ADAT3: variants seen among roughly 807,000 people sequenced by gnomAD.
ADAT3 encodes the protein tRNA-specific adenosine-34 deaminase regulatory subunit ADAT3.
Under a neutral mutation model 3.5 loss-of-function variants are expected in ADAT3, and 2 were observed. The ratio of observed to expected loss-of-function variants is 0.57; its 90% CI spans 0.23 to 1.79. ADAT3 has a LOEUF of 1.79. ADAT3 is among the 40% of genes most tolerant of loss of function. The pLI is 0.18. For missense variants in ADAT3, 735 were observed against 571.4 expected (o/e 1.29, Z -2.92); for synonymous variants, 358 against 270.3 (o/e 1.32, Z -3.18).
In ADAT3 at chr19:1,912,148, G is replaced by T. The variant is rs1220543903; in HGVS notation, c.101G>T (p.Ser34Ile). The change falls in exon 2 of 2, where the codon AGC becomes ATC. Residue 34 changes from serine to isoleucine, a missense_variant. By Grantham distance (142) the Ser-to-Ile change is moderately radical. Coordinates refer to ENST00000329478, the MANE Select transcript of ADAT3 (RefSeq NM_138422.4). ...CAGCCCAAGTGCTTGGAGGCCGGGA[G>T]CCCGGAGCCTGAGCCGGCGCCGTGG... ...VEQPKCLEAG[S>I]PEPEPAPWQA... The T allele has an allele frequency of 2.6e-6, 4 of 1,565,246 alleles. No homozygotes were observed. Among genetic ancestry groups the T allele is most frequent in the African/African-American group, 2.7e-5 (2 of 73,836 alleles).
At chr19:1,909,863 G>A (rs1389756507) in intron 1 of ADAT3, among the ~76,000 whole-genome samples, 3 of 152,216 alleles carry the variant, frequency 2.0e-5, no homozygotes, top group Non-Finnish European at 2.9e-5. Context: ...ATGGGAAGTC[G>A]GGCCCACCAG....
Position 1,908,524 on chromosome 19 carries a change from C to T in ADAT3, c.-159+3085C>T. ...TCCATACCAGCGGGGATGTGTAGTCCAGGCTGGCAGTTCAGGATCACCCGG... is the reference window on the plus strand; with the variant it reads ...TCCATACCAGCGGGGATGTGTAGTCTAGGCTGGCAGTTCAGGATCACCCGG... On this transcript the variant is annotated intron_variant, in intron 1 of 1. Coordinates refer to ENST00000329478, the MANE Select transcript of ADAT3 (RefSeq NM_138422.4). This position sits in a 1 kb window ranked among gnomAD's most constrained non-coding sequence, Gnocchi z 4.2. The T allele has an allele frequency of 2.1e-6, 1 of 471,152 alleles. No individual in the cohort carries two copies. Among genetic ancestry groups the T allele is most frequent in the Non-Finnish European group, 4.4e-6 (1 of 227,040 alleles). The allele number at this position is 471,152 out of a possible 1,614,324, so 29.2% of individuals were successfully genotyped here.
rs895349823 is a variant in ADAT3, at chr19:1,908,687, C to G, written c.-158-3203C>G. On this transcript the variant is annotated intron_variant, in intron 1 of 1. Coordinates refer to ENST00000329478, the MANE Select transcript of ADAT3 (RefSeq NM_138422.4). The surrounding 1 kb of genome is among the most constrained non-coding windows in gnomAD (Gnocchi z 4.2). ...TTATTTATTTATTTGAAAAAAGGAA[C>G]AGGGTCTCTCTATCTTGCCCACGTT... 41 of 423,676 alleles carry G rather than the reference C, an allele frequency of 9.7e-5. No individual in the cohort carries two copies. Among genetic ancestry groups the G allele is most frequent in the Middle Eastern group, 1.3e-3 (2 of 1,556 alleles). 26.2% of individuals were successfully genotyped at this position (423,676 alleles called of 1,614,324 possible). A position where few individuals can be genotyped will look rare whatever the true frequency, so the allele number is the denominator to read the frequency against.
In ADAT3 at chr19:1,912,242, C is replaced by G. The variant is rs1402664883; in HGVS notation, c.195C>G (p.Pro65=). ...DVELVLAYAA[P]VLDKRQTSRL... is the part of the protein sequence containing the mutation. ...AGCTGGTGCTGGCCTACGCCGCGCC[C>G]GTCCTGGACAAGCGCCAGACCTCAC... is the stretch of plus-strand genomic sequence containing the variant. The change falls in exon 2 of 2, where the codon CCC becomes CCG. Residue 65 remains proline, a synonymous_variant. Coordinates refer to ENST00000329478, the MANE Select transcript of ADAT3 (RefSeq NM_138422.4). The G allele has an allele frequency of 6.3e-7, 1 of 1,596,898 alleles. No individual in the cohort carries two copies. Among genetic ancestry groups the G allele is most frequent in the Non-Finnish European group, 8.5e-7 (1 of 1,174,458 alleles).
rs1312014800 is a variant in ADAT3, at chr19:1,912,372, C to T, written c.325C>T (p.Leu109=). 1 of 1,523,986 alleles carries T rather than the reference C, an allele frequency of 6.6e-7. No homozygotes were observed. The highest frequency in any genetic ancestry group is 2.6e-5 in the East Asian group (1 of 38,728). The allele number at this position is 1,523,986 out of a possible 1,614,324, so 94.4% of individuals were successfully genotyped here. Residue 109 remains leucine (L), a synonymous_variant, in exon 2 of 2, where the codon CTG becomes TTG. Coordinates refer to ENST00000329478, the MANE Select transcript of ADAT3 (RefSeq NM_138422.4). ...DAGSPHALEM[L]LCLAGPASGP... is the part of the protein sequence containing the mutation. Reference sequence around the variant, plus strand: ...CGGCAGCCCCCACGCCCTGGAGATGCTGCTTTGCCTGGCTGGGCCGGCCTC... The same window carrying T: ...CGGCAGCCCCCACGCCCTGGAGATGTTGCTTTGCCTGGCTGGGCCGGCCTC...
At chr19:1,911,823 C>T in intron 1 of ADAT3, 67 bp from the exon 2 acceptor site, 1 of 445,836 alleles carries the variant, frequency 2.2e-6, no homozygotes, top group East Asian at 3.5e-5. Context: ...AATGATCTGT[C>T]TTCTGGTAGG....
intron 1 of ADAT3, among the ~76,000 whole-genome samples, chr19:1,909,280 C>T (rs1410492582): frequency 1.3e-5 from 2 of 152,142 alleles, no homozygotes; most frequent in Admixed American, 6.6e-5. Flanking sequence ...GAGGCGCTGT[C>T]CCCCAGGGCC....
chr19:1,910,867 G>T (rs374423365), intron 1 of ADAT3, among the ~76,000 whole-genome samples: 1 of 148,848 alleles, frequency 6.7e-6, no homozygotes, highest in Non-Finnish European at 1.5e-5. Flanking sequence ...AAGCCACCAC[G>T]CCTGGCTTTT....
rs1170545118 is a variant in ADAT3 at position 1,911,987 on chromosome 19, T to G, written c.-61T>G. ...TTTGGTGGCAGCACGCCCTGCCTTG[T>G]GGAGCCACGGCCTCCCGGGACGGAC... On this transcript the variant is annotated 5_prime_UTR_variant, in exon 2 of 2. Transcript: ENST00000329478. 7.1e-7 allele frequency: 1 copy of G among 1,411,690 alleles called. No individual in the cohort carries two copies. The allele number at this position is 1,411,690 out of a possible 1,614,324, so 87.4% of individuals were successfully genotyped here.
chr19:1,907,391 T>TAAAAA (rs111426560), intron 1 of ADAT3, among the ~76,000 whole-genome samples: 2,263 of 137,284 alleles, frequency 0.016, 62 homozygotes, highest in African/African-American at 0.056. Flanking sequence ...AGCCCTGCCT[T>TAAAAA]AAAAAAAAAA....
Position 1,912,575 on chromosome 19 carries a change from G to T in ADAT3, c.528G>T (p.Leu176=). Residue 176 remains leucine, a synonymous_variant, in exon 2 of 2, where the codon CTG becomes CTT. Coordinates refer to ENST00000329478, the MANE Select transcript of ADAT3 (RefSeq NM_138422.4). ...FHEDKQVTSA[L]AGRLFSTQER... Reference sequence around the variant, plus strand: ...AGGACAAGCAGGTGACCAGCGCCCTGGCTGGGCGGCTCTTCTCCACGCAGG... The same window carrying T: ...AGGACAAGCAGGTGACCAGCGCCCTTGCTGGGCGGCTCTTCTCCACGCAGG... 6.7e-7 allele frequency: 1 copy of T among 1,497,116 alleles called. No homozygotes were observed. The highest frequency in any genetic ancestry group is 8.8e-7 in the Non-Finnish European group (1 of 1,130,024). 92.7% of individuals were successfully genotyped at this position (1,497,116 alleles called of 1,614,324 possible).
chr19:1,912,821 C>T lies in ADAT3; in HGVS notation c.774C>T (p.Asp258=). 6.3e-7 allele frequency: 1 copy of T among 1,589,796 alleles called. No individual in the cohort carries two copies. The highest frequency in any genetic ancestry group is 8.5e-7 in the Non-Finnish European group (1 of 1,175,240). ...VARGQGRGTY[D]FRPFPACSFA... is the part of the protein sequence containing the mutation. Reference sequence around the variant, plus strand: ...GCGGCCAGGGCCGCGGCACCTACGACTTCAGACCCTTCCCCGCCTGCTCCT... The same window carrying T: ...GCGGCCAGGGCCGCGGCACCTACGATTTCAGACCCTTCCCCGCCTGCTCCT... The change falls in exon 2 of 2, where the codon GAC becomes GAT. Residue 258 remains aspartate (D), a synonymous_variant. Transcript: ENST00000329478.
rs181984834 is a variant in ADAT3, at chr19:1,908,633, C to T, written c.-159+3194C>T. Reference sequence around the variant, plus strand: ...TCTGCTAGAAATAACTGTGAGCACACAGGTAGTAAGGTTTTTAGGATTTTA... The same window carrying T: ...TCTGCTAGAAATAACTGTGAGCACATAGGTAGTAAGGTTTTTAGGATTTTA... On this transcript the variant is annotated intron_variant, in intron 1 of 1. Transcript: ENST00000329478. This position sits in a 1 kb window ranked among gnomAD's most constrained non-coding sequence, Gnocchi z 4.2. 2 of 467,796 alleles carry T rather than the reference C, an allele frequency of 4.3e-6. No individual in the cohort carries two copies. Among genetic ancestry groups the T allele is most frequent in the Middle Eastern group, 3.3e-4 (1 of 3,050 alleles). 29.0% of individuals were successfully genotyped at this position (467,796 alleles called of 1,614,324 possible).
At chr19:1,907,674 A>T (rs1357454834) in intron 1 of ADAT3, among the ~76,000 whole-genome samples, 1 of 152,096 alleles carries the variant, frequency 6.6e-6, no homozygotes, top group Non-Finnish European at 1.5e-5. Flanking sequence ...GCCTGGAGCT[A>T]TGCCGGTTCC....
Position 1,911,935 on chromosome 19 carries a change from G to C in ADAT3, c.-113G>C. On this transcript the variant is annotated 5_prime_UTR_variant, in exon 2 of 2. Coordinates refer to ENST00000329478, the MANE Select transcript of ADAT3 (RefSeq NM_138422.4). Reference sequence around the variant, plus strand: ...AGTGTAGCTCTGATGCGGTGACCTGGGCCGGAGCCCTCGGACTAGCCTCAG... The same window carrying C: ...AGTGTAGCTCTGATGCGGTGACCTGCGCCGGAGCCCTCGGACTAGCCTCAG... 7.5e-7 allele frequency: 1 copy of C among 1,340,754 alleles called. No individual in the cohort carries two copies. The allele number at this position is 1,340,754 out of a possible 1,614,324, so 83.1% of individuals were successfully genotyped here.
intron 1 of ADAT3, among the ~76,000 whole-genome samples, chr19:1,907,391 TA>T (rs111426560): frequency 3.6e-3 from 487 of 137,092 alleles, no homozygotes; most frequent in Non-Finnish European, 4.4e-3. Flanking sequence ...AGCCCTGCCT[TA>T]AAAAAAAAAA....
At position 1,912,126 on chromosome 19, in the gene ADAT3, C is replaced by T. The variant is rs747441084; in HGVS notation, c.79C>T (p.Pro27Ser). ...MEPAPGLVEQ[P>S]KCLEAGSPEP... ...GCCCGCCCCGGGCCTCGTGGAGCAG[C>T]CCAAGTGCTTGGAGGCCGGGAGCCC... The change falls in exon 2 of 2, where the codon CCC (proline) becomes TCC (serine). Residue 27 changes from proline (P) to serine (S), a missense_variant. By Grantham distance (74) the Pro-to-Ser change is moderately conservative. Coordinates refer to ENST00000329478, the MANE Select transcript of ADAT3 (RefSeq NM_138422.4). 6.4e-7 allele frequency: 1 copy of T among 1,551,472 alleles called. No homozygotes were observed. The highest frequency in any genetic ancestry group is 1.2e-5 in the South Asian group (1 of 83,954).
In ADAT3 at chr19:1,912,690, G is replaced by A. The variant is rs1406771304; in HGVS notation, c.643G>A (p.Val215Ile). ...GGGCTTGCGGGCCGTGGGGGCCGTGGTAGTGGACCCGGCCTCGGACCGCGT... is the reference window on the plus strand; with the variant it reads ...GGGCTTGCGGGCCGTGGGGGCCGTGATAGTGGACCCGGCCTCGGACCGCGT... ...ARGLRAVGAVVVDPASDRVLA... is the reference protein window; with the variant it reads ...ARGLRAVGAVIVDPASDRVLA... Residue 215 changes from valine (V) to isoleucine (I), a missense_variant, in exon 2 of 2, where the codon GTA (valine) becomes ATA (isoleucine). By Grantham distance (29) the Val-to-Ile change is conservative (BLOSUM62 3). Coordinates refer to ENST00000329478, the MANE Select transcript of ADAT3 (RefSeq NM_138422.4). 60 of 1,474,022 alleles carry A rather than the reference G, an allele frequency of 4.1e-5. No individual in the cohort carries two copies. Among genetic ancestry groups the A allele is most frequent in the Non-Finnish European group, 5.0e-5 (56 of 1,122,056 alleles). 91.3% of individuals were successfully genotyped at this position (1,474,022 alleles called of 1,614,324 possible).
At chr19:1,909,232 G>T (rs536020680) in intron 1 of ADAT3, among the ~76,000 whole-genome samples, 1 of 152,270 alleles carries the variant, frequency 6.6e-6, no homozygotes, top group South Asian at 2.1e-4. Context: ...TGGTTTGGGG[G>T]TGTTCAGGTG....
Sources: allele counts gnomAD v4.1 joint callset (sites outside exome capture counted in the v4.1 genomes callset), GRCh38; gene constraint gnomAD v4.1.1; non-coding constraint Gnocchi (gnomAD v3.1); transcripts MANE v1.5; gene names NCBI Gene and HGNC (gene_info 2026-07-23, HGNC 2026-07-21).